The following MSANTD2 variants were observed in gnomAD, a reference collection of about 807,000 sequenced individuals.
MSANTD2 encodes myb/SANT-like DNA-binding domain-containing protein 2.
A neutral mutation model predicts 52.6 loss-of-function variants in MSANTD2; 19 were observed. The observed-to-expected ratio is 0.36, with a 90% CI of 0.25 to 0.53. MSANTD2 has a LOEUF of 0.53. Among genes scored for constraint, MSANTD2 ranks in the 20% least tolerant of loss-of-function variants. The pLI is 0.91. For synonymous variants in MSANTD2, 291 were observed against 289.7 expected (o/e 1.00, Z -0.04); for missense variants, 558 against 716.3 (o/e 0.78, Z 2.52).
In MSANTD2 at chr11:124,767,523, C is replaced by T. The variant is rs1206982780; in HGVS notation, c.1333G>A (p.Asp445Asn). Residue 445 changes from aspartate (D) to asparagine (N), a missense_variant, in exon 4 of 4, where the codon GAC (aspartate) becomes AAC (asparagine). Asp to Asn is a conservative substitution (Grantham distance 23, BLOSUM62 1). Coordinates refer to ENST00000374979, the MANE Select transcript of MSANTD2 (RefSeq NM_001308027.2). This position sits in a 1 kb window ranked among gnomAD's most constrained non-coding sequence, Gnocchi z 6.5. Reference protein sequence around the residue: ...LSPHMEQSSLDPGKEGRVDLE... With the variant: ...LSPHMEQSSLNPGKEGRVDLE... The stretch of plus-strand genomic sequence containing the variant: ...TCAACCCGGCCCTCTTTTCCTGGGT[C>T]CAGGGAACTTTGCTCCATGTGTGGT... The T allele has an allele frequency of 4.3e-6, 7 of 1,614,014 alleles. No homozygotes were observed. The highest frequency in any genetic ancestry group is 5.9e-6 in the Non-Finnish European group (7 of 1,180,026).
chr11:124,784,450 T>G (rs1435850162), intron 1 of MSANTD2: 2 of 983,746 alleles, frequency 2.0e-6, no homozygotes, highest in East Asian at 1.1e-4. Context: ...TACGAACTAA[T>G]TATTCCATGG....
intron 1 of MSANTD2, chr11:124,791,499 G>T: frequency 9.1e-7 from 1 of 1,103,184 alleles, no homozygotes; most frequent in Non-Finnish European, 1.4e-6. Context: ...AATGGCTGAG[G>T]GCAAGAGTTG....
At chr11:124,799,622 ATCTC>A (rs765883244) in intron 1 of MSANTD2, among the ~76,000 whole-genome samples, 9 of 728 alleles carry the variant, frequency 0.012, no homozygotes, top group Non-Finnish European at 0.017. Context: ...GCGCAGGAAC[ATCTC>A]AATTGGCAAG....
At position 124,798,251 on chromosome 11, in the gene MSANTD2, AAAAAAAAAAT is replaced by A. The variant is rs1401940959; in HGVS notation, c.510+1610_510+1619del. Among the ~76,000 whole-genome samples, 7 of 124,724 alleles carry A rather than the reference AAAAAAAAAAT, an allele frequency of 5.6e-5. 1 individual carries two copies. In the South Asian group the frequency reaches 2.0e-3, roughly 36 times the overall value. 81.8% of individuals were successfully genotyped at this position (124,724 alleles called of 152,430 possible). A position where few individuals can be genotyped will look rare whatever the true frequency, so the allele number is the denominator to read the frequency against. On this transcript the variant is annotated intron_variant, in intron 1 of 3. Coordinates refer to ENST00000374979, the MANE Select transcript of MSANTD2 (RefSeq NM_001308027.2). ...CTGTCTCTTAAAAAAAAAAAAAAAAAAAAAAAAAATTTAATGAGCCAGGTGTGGTGGGGCA... is the reference window on the plus strand; with the variant it reads ...CTGTCTCTTAAAAAAAAAAAAAAAAATTAATGAGCCAGGTGTGGTGGGGCA...
In MSANTD2 at chr11:124,780,072, TAAG is replaced by T. The variant is rs138192316; in HGVS notation, c.511-5101_511-5099del. On this transcript the variant is annotated intron_variant, in intron 1 of 3. Coordinates refer to ENST00000374979, the MANE Select transcript of MSANTD2 (RefSeq NM_001308027.2). Reference sequence around the variant, plus strand: ...GCAACGAAACACCATTTAATATCTTTAAGAAAAACATTAATTTCTTGAGCTATA... The same window carrying T: ...GCAACGAAACACCATTTAATATCTTTAAAAACATTAATTTCTTGAGCTATA... 2.9e-4 allele frequency among the ~76,000 whole-genome samples: 44 copies of T among 152,328 alleles called. No individual in the cohort carries two copies. In the East Asian group the frequency reaches 8.5e-3, roughly 29 times the overall value.
At chr11:124,782,750 T>C (rs1192912639) in intron 1 of MSANTD2, among the ~76,000 whole-genome samples, 1 of 152,222 alleles carries the variant, frequency 6.6e-6, no homozygotes, top group African/African-American at 2.4e-5. Flanking sequence ...ATTCAAAATA[T>C]ATATTTATTC....
At chr11:124,791,078 A>AT (rs751888388) in intron 1 of MSANTD2, 9 of 559,858 alleles carry the variant, frequency 1.6e-5, no homozygotes, top group Non-Finnish European at 2.9e-5. Flanking sequence ...AGATGAAGAG[A>AT]TAACGTGTAA....
At chr11:124,794,661 T>C (rs552829295) in intron 1 of MSANTD2, among the ~76,000 whole-genome samples, 10 of 152,212 alleles carry the variant, frequency 6.6e-5, no homozygotes, top group Non-Finnish European at 1.3e-4. Context: ...TGAGAGCTTT[T>C]TGCTCCAAGT....
chr11:124,780,339 A>G (rs1203954088), intron 1 of MSANTD2, among the ~76,000 whole-genome samples: 1 of 152,214 alleles, frequency 6.6e-6, no homozygotes. Context: ...GACATCTGAC[A>G]AACTGACTTG....
At chr11:124,775,798 C>T (rs1347295848) in intron 1 of MSANTD2, 9 of 152,230 alleles carry the variant, frequency 5.9e-5, no homozygotes, top group Admixed American at 5.9e-4. Flanking sequence ...AAATAAATAT[C>T]ATTATGCAAA....
intron 1 of MSANTD2, among the ~76,000 whole-genome samples, chr11:124,777,111 C>T (rs1944775722): frequency 1.3e-5 from 2 of 152,176 alleles, no homozygotes; most frequent in Non-Finnish European, 2.9e-5. Context: ...AATTTGAATT[C>T]CAAACATCCC....
At chr11:124,789,433 ATTG>A (rs921741349) in intron 1 of MSANTD2, 1 of 152,236 alleles carries the variant, frequency 6.6e-6, no homozygotes, top group African/African-American at 2.4e-5. Context: ...AACTTCTACT[ATTG>A]TTATTTATAT....
At chr11:124,792,581 A>G (rs1393387488) in intron 1 of MSANTD2, 2 of 152,188 alleles carry the variant, frequency 1.3e-5, no homozygotes, top group Non-Finnish European at 2.9e-5. Context: ...AAAGCCTAGG[A>G]TGTGTGTGCT....
Position 124,799,963 on chromosome 11 carries a change from C to A in MSANTD2, c.418G>T (p.Ala140Ser). ...CGCTCGTACATGGCTGGCCCGGGGG[C>A]CTTGCTGCCGAACACCGTGCCGGCT... ...EGAGTVFGSK[A>S]PGPAMYERVS... Residue 140 changes from alanine to serine, a missense_variant, in exon 1 of 4, where the codon GCC becomes TCC. Around this residue, in one of 2 missense-constraint regions of MSANTD2, gnomAD observed 408 missense variants for 573.6 expected, o/e 0.71. Transcript: ENST00000374979. The A allele has an allele frequency of 2.5e-6, 4 of 1,585,170 alleles. No homozygotes were observed. Among genetic ancestry groups the A allele is most frequent in the Non-Finnish European group, 3.4e-6 (4 of 1,174,674 alleles).
At chr11:124,785,764 GT>G (rs201704263) in intron 1 of MSANTD2, among the ~76,000 whole-genome samples, 3 of 151,380 alleles carry the variant, frequency 2.0e-5, no homozygotes, top group East Asian at 3.9e-4. Flanking sequence ...TAAGATATAT[GT>G]ATCTTATGTA....
At chr11:124,799,503 G>A (rs1783886) in intron 1 of MSANTD2, among the ~76,000 whole-genome samples, 19,343 of 152,188 alleles carry the variant, frequency 0.13, 1,618 homozygotes, top group Non-Finnish European at 0.19. Context: ...CCTCTGCCTG[G>A]GAGCCCCTCC....
intron 1 of MSANTD2, chr11:124,791,640 C>A: frequency 6.8e-7 from 1 of 1,477,018 alleles, no homozygotes; most frequent in Non-Finnish European, 9.4e-7. Context: ...TCCTTCCAGA[C>A]TTTCTTTGCA....
Position 124,767,664 on chromosome 11 carries a change from C to T in MSANTD2, c.1192G>A (p.Ala398Thr). ...TTCCCACCAGTTGGTTTGGAGTGGG[C>T]AATGGGTATCCAGTCAATTTCCATG... ...LHMEIDWIPI[A>T]HSKPTGGNVV... Residue 398 changes from alanine (A) to threonine (T), a missense_variant, in exon 4 of 4, where the codon GCC becomes ACC. Ala to Thr is a moderately conservative substitution (Grantham distance 58). Transcript: ENST00000374979. The surrounding 1 kb of genome is among the most constrained non-coding windows in gnomAD (Gnocchi z 6.5). The T allele has an allele frequency of 1.1e-5, 18 of 1,614,222 alleles. No individual in the cohort carries two copies. The highest frequency in any genetic ancestry group is 1.5e-5 in the Non-Finnish European group (18 of 1,180,038).
intron 1 of MSANTD2, among the ~76,000 whole-genome samples, chr11:124,778,881 A>G (rs140072418): frequency 9.9e-5 from 15 of 152,268 alleles, no homozygotes; most frequent in Admixed American, 9.8e-4. Context: ...GGGAGGGGGA[A>G]GGTAAACAAA....
Sources: gnomAD v4.1 joint callset for allele counts (sites outside exome capture counted in the v4.1 genomes callset) on GRCh38, gnomAD v4.1.1 for gene constraint, gnomAD v4.1.1 regional missense constraint, Gnocchi (gnomAD v3.1) non-coding constraint, MANE v1.5 for transcripts, NCBI Gene and HGNC (gene_info 2026-07-23, HGNC 2026-07-21) for gene names.